Variants in ZNF397 observed in about 807,000 individuals in gnomAD.
ZNF397 encodes zinc finger protein 397.
ZNF397 carries 38 observed loss-of-function variants against 50.6 expected under a neutral mutation model. That is an observed-to-expected ratio of 0.75 (90% CI 0.58 to 0.98). The LOEUF (loss-of-function observed/expected upper bound fraction) is 0.98. Among genes scored for constraint, ZNF397 ranks in the 50% least tolerant of loss-of-function variants. ZNF397 has a pLI of 0.00. For missense variants in ZNF397, 624 were observed against 624.1 expected (o/e 1.00, Z 0.00); for synonymous variants, 228 against 215.2 (o/e 1.06, Z -0.52).
At position 35,245,347 on chromosome 18, in the gene ZNF397, A is replaced by T; in HGVS notation, c.642A>T (p.Gly214=). ...TCCCTCAGGAACCTTCATTTCGAGG[A>T]ATTAGTGAGCATGAAAGCAATTTAG... ...QGLPQEPSFR[G]ISEHESNLVW... The change falls in exon 4 of 4, where the codon GGA becomes GGT. Residue 214 remains glycine (G), a synonymous_variant. Coordinates refer to ENST00000330501, the MANE Select transcript of ZNF397 (RefSeq NM_001135178.3). The T allele has an allele frequency of 6.2e-7, 1 of 1,612,710 alleles. No homozygotes were observed. The highest frequency in any genetic ancestry group is 8.5e-7 in the Non-Finnish European group (1 of 1,179,138).
intron 1 of ZNF397, 80 bp from the exon 2 acceptor site, chr18:35,242,311 T>C: frequency 1.6e-6 from 1 of 637,682 alleles, no homozygotes; most frequent in Admixed American, 3.1e-5. Flanking sequence ...AATATATTAC[T>C]AAAGTTACTC....
chr18:35,242,659 G>GC lies in ZNF397; in HGVS notation c.193dup (p.Arg65ProfsTer40), dbSNP rs780190924. Reference sequence around the variant, plus strand: ...AATTTTGCTACCAGGAGACACCTGGGCCCCGGGAGGCTCTGAGCCGACTCC... The same window carrying GC: ...AATTTTGCTACCAGGAGACACCTGGGCCCCCGGGAGGCTCTGAGCCGACTCC... On this transcript the variant is annotated frameshift_variant, in exon 2 of 4. Transcript: ENST00000330501. LOFTEE classifies it high-confidence loss of function. 1.2e-6 allele frequency: 2 copies of GC among 1,614,102 alleles called. No individual in the cohort carries two copies. The highest frequency in any genetic ancestry group is 2.2e-5 in the South Asian group (2 of 91,092).
chr18:35,244,319 CAG>C (rs1912764333), intron 3 of ZNF397, among the ~76,000 whole-genome samples: 1 of 152,320 alleles, frequency 6.6e-6, no homozygotes, highest in East Asian at 1.9e-4. Flanking sequence ...TAAGGAAAAA[CAG>C]ATACATCTGA....
downstream of ZNF397, chr18:35,254,507 T>C (rs2043723523): frequency 4.6e-6 from 7 of 1,534,898 alleles, no homozygotes; most frequent in African/African-American, 1.4e-5. Flanking sequence ...CAAAACTAGA[T>C]TCCCAATCTA....
At chr18:35,259,038 G>C (rs1346185929), downstream of ZNF397, 2 of 154,048 alleles carry the variant, frequency 1.3e-5, no homozygotes, top group African/African-American at 4.8e-5. Context: ...TTTTAATATA[G>C]TATGTTTACT....
intron 1 of ZNF397, among the ~76,000 whole-genome samples, chr18:35,242,124 C>G (rs1912549999): frequency 6.6e-6 from 1 of 152,196 alleles, no homozygotes; most frequent in Non-Finnish European, 1.5e-5. Context: ...AGGAAATTTT[C>G]TCACTATGTG....
chr18:35,258,379 T>G (rs779430068), exon 6 of ZNF397: 1 of 167,034 alleles, frequency 6.0e-6, no homozygotes, highest in Non-Finnish European at 1.3e-5. Context: ...AAATAAAAAG[T>G]TAAAAAATGT....
downstream of ZNF397, among the ~76,000 whole-genome samples, chr18:35,250,546 T>TGCCTTTCCC (rs944560891): frequency 3.3e-5 from 5 of 152,228 alleles, no homozygotes; most frequent in African/African-American, 1.2e-4. Context: ...TTTGATTTCC[T>TGCCTTTCCC]GCCTTTCCCC....
Position 35,247,130 on chromosome 18 carries a change from G to T in ZNF397, c.*820G>T. 2 of 985,564 alleles carry T rather than the reference G, an allele frequency of 2.0e-6. No homozygotes were observed. The highest frequency in any genetic ancestry group is 2.4e-6 in the Non-Finnish European group (2 of 830,040). 61.1% of individuals were successfully genotyped at this position (985,564 alleles called of 1,614,324 possible). ...AGAAACAAAGTGTGGAGCATTCCTT[G>T]AGTTCCTGTTGTAGTGAGGTCTTGT... On this transcript the variant is annotated 3_prime_UTR_variant, in exon 4 of 4. Coordinates refer to ENST00000330501, the MANE Select transcript of ZNF397 (RefSeq NM_001135178.3).
intron 2 of ZNF397, 109 bp from the exon 3 acceptor site, chr18:35,243,043 C>T: frequency 1.3e-6 from 2 of 1,535,662 alleles, no homozygotes; most frequent in African/African-American, 1.4e-5. Flanking sequence ...GGTCTTTTTC[C>T]CCTGTCCTTC....
intron 2 of ZNF397, 92 bp downstream of exon 2, chr18:35,242,976 C>A: frequency 6.7e-7 from 1 of 1,498,678 alleles, no homozygotes; most frequent in Non-Finnish European, 8.9e-7. Context: ...TTTTATGTCT[C>A]TACTGAACCC....
intron 3 of ZNF397, chr18:35,244,201 G>A (rs1371554140): frequency 6.5e-6 from 1 of 154,390 alleles, no homozygotes; most frequent in Non-Finnish European, 1.5e-5. Context: ...GCAACATCTG[G>A]TAATTATTAA....
Position 35,245,293 on chromosome 18 carries a change from G to A in ZNF397, c.588G>A (p.Glu196=), listed in dbSNP as rs1316512500. 1 of 1,609,686 alleles carries A rather than the reference G, an allele frequency of 6.2e-7. No homozygotes were observed. The highest frequency in any genetic ancestry group is 1.7e-5 in the Admixed American group (1 of 59,668). ...AGAACAGTGAAACAGCAACAAAAGA[G>A]GGCATCTCAGAAGAAAAATCACAGG... ...DCENSETATK[E]GISEEKSQGL... Residue 196 remains glutamate, a synonymous_variant, in exon 4 of 4, where the codon GAG becomes GAA. Coordinates refer to ENST00000330501, the MANE Select transcript of ZNF397 (RefSeq NM_001135178.3).
In ZNF397 at chr18:35,243,133, C is replaced by T; in HGVS notation, c.415-19C>T. On this transcript the variant is annotated intron_variant, in intron 2 of 3. Transcript: ENST00000330501. ...TTAGGGATTTTCTCACAAAGCTAAC[C>T]ATATTTTACTGATTTCAGGTCCCAG... The T allele has an allele frequency of 6.2e-7, 1 of 1,613,428 alleles. No homozygotes were observed. Among genetic ancestry groups the T allele is most frequent in the East Asian group, 2.2e-5 (1 of 44,874 alleles).
downstream of ZNF397, chr18:35,251,787 A>G (rs2043604613): frequency 6.6e-6 from 1 of 151,724 alleles, no homozygotes; most frequent in African/African-American, 2.4e-5. Flanking sequence ...ACTGTCAGTC[A>G]ATTAAACCTC....
rs1377044491 is a variant in ZNF397 at position 35,243,215 on chromosome 18, C to G, written c.478C>G (p.Gln160Glu). 1.2e-6 allele frequency: 2 copies of G among 1,614,102 alleles called. No individual in the cohort carries two copies. Among genetic ancestry groups the G allele is most frequent in the Admixed American group, 1.7e-5 (1 of 60,008 alleles). ...WKDLTCLRAS[Q>E]ESTDIHLQPL... Reference sequence around the variant, plus strand: ...GGATTTAACATGTCTCAGAGCATCCCAAGAGTCAACAGACATCCACCTCCA... The same window carrying G: ...GGATTTAACATGTCTCAGAGCATCCGAAGAGTCAACAGACATCCACCTCCA... The change falls in exon 3 of 4, where the codon CAA (glutamine) becomes GAA (glutamate). Residue 160 changes from glutamine (Q) to glutamate (E), a missense_variant. Gln to Glu is a conservative substitution (Grantham distance 29, BLOSUM62 2). Coordinates refer to ENST00000330501, the MANE Select transcript of ZNF397 (RefSeq NM_001135178.3).
exon 6 of ZNF397, chr18:35,258,268 C>A: frequency 2.6e-6 from 1 of 388,828 alleles, no homozygotes; most frequent in African/African-American, 2.0e-5. Context: ...AAATGGAGAA[C>A]GAGTAAATTT....
At chr18:35,258,174 G>C in exon 6 of ZNF397, 1 of 581,138 alleles carries the variant, frequency 1.7e-6, no homozygotes, top group South Asian at 2.0e-5. Flanking sequence ...GCAGGGCTAA[G>C]ACTTTCAAGA....
At chr18:35,242,260 T>C in intron 1 of ZNF397, 131 bp from the exon 2 acceptor site, 2 of 461,654 alleles carry the variant, frequency 4.3e-6, no homozygotes, top group Non-Finnish European at 7.6e-6. Context: ...ATCATCACAT[T>C]ATTGTTTTAT....
Sources: gnomAD v4.1 joint callset for allele counts (sites outside exome capture counted in the v4.1 genomes callset) on GRCh38, gnomAD v4.1.1 for gene constraint, MANE v1.5 for transcripts, NCBI Gene and HGNC (gene_info 2026-07-23, HGNC 2026-07-21) for gene names.